Variants in METAP1D observed in about 807,000 individuals in gnomAD.
METAP1D encodes methionyl aminopeptidase type 1D, mitochondrial, also known as methionine aminopeptidase 1D, mitochondrial.
A neutral mutation model predicts 40.5 loss-of-function variants in METAP1D; 31 were observed. That is an observed-to-expected ratio of 0.77 (90% CI 0.58 to 1.03). The LOEUF (loss-of-function observed/expected upper bound fraction) is 1.03, where lower values mean the gene tolerates loss of function less well. Among genes scored for constraint, METAP1D ranks in the 50% least tolerant of loss-of-function variants. The probability of loss-of-function intolerance (pLI) is 0.00; values close to 1 mark genes in which losing one functional copy is unlikely to be tolerated. For missense variants in METAP1D, 411 were observed against 420.7 expected, an observed-to-expected ratio of 0.98 and a Z score of 0.20; for synonymous variants, 151 against 146.4, an observed-to-expected ratio of 1.03 and a Z score of -0.22.
intron 3 of METAP1D, among the ~76,000 whole-genome samples, chr2:172,064,975 GGAGC>G (rs1690216621): frequency 6.6e-6 from 1 of 151,520 alleles, no homozygotes; most frequent in Non-Finnish European, 1.5e-5. Flanking sequence ...TTTTAGTTTG[GGAGC>G]AATTTAGTTT....
chr2:172,068,630 C>T (rs1162189385), intron 5 of METAP1D, among the ~76,000 whole-genome samples: 1 of 151,716 alleles, frequency 6.6e-6, no homozygotes, highest in East Asian at 2.0e-4. Flanking sequence ...TCTCCTGCCT[C>T]AGCCTCCCCA....
At chr2:172,047,683 C>G (rs1276970804) in intron 1 of METAP1D, among the ~76,000 whole-genome samples, 1 of 152,240 alleles carries the variant, frequency 6.6e-6, no homozygotes, top group Non-Finnish European at 1.5e-5. Flanking sequence ...GATCCGCACA[C>G]CTCGGCCTCC....
intron 1 of METAP1D, among the ~76,000 whole-genome samples, chr2:172,048,652 T>TTGAC (rs1689812352): frequency 6.6e-6 from 1 of 152,198 alleles, no homozygotes. Context: ...TACCCCCAAA[T>TTGAC]TGACTATACC....
At position 172,080,209 on chromosome 2, in the gene METAP1D, G is replaced by A; in HGVS notation, c.929+3G>A. 2 of 1,614,168 alleles carry A rather than the reference G, an allele frequency of 1.2e-6. No homozygotes were observed. Among genetic ancestry groups the A allele is most frequent in the Non-Finnish European group, 1.7e-6 (2 of 1,179,970 alleles). ...GTGGTCTCCCTAGACAATCAAAGGT[G>A]TTTGCTTTCTGCTCTGTTGCTTTTA... On this transcript the variant is annotated splice_donor_region_variant and intron_variant, in intron 9 of 9. Transcript: ENST00000315796.
At chr2:172,052,121 G>T (rs1363183392) in intron 1 of METAP1D, among the ~76,000 whole-genome samples, 1 of 152,170 alleles carries the variant, frequency 6.6e-6, no homozygotes, top group Non-Finnish European at 1.5e-5. Context: ...CAGCATTAAA[G>T]AAAATGAGCT....
At chr2:172,027,802 A>G (rs542039707) in intron 1 of METAP1D, among the ~76,000 whole-genome samples, 1 of 152,222 alleles carries the variant, frequency 6.6e-6, no homozygotes, top group Admixed American at 6.5e-5. Flanking sequence ...TTTACTCTCT[A>G]CCTTCTGTTG....
At chr2:172,036,805 T>C (rs1031280945) in intron 1 of METAP1D, among the ~76,000 whole-genome samples, 1 of 152,250 alleles carries the variant, frequency 6.6e-6, no homozygotes, top group African/African-American at 2.4e-5. Context: ...GTTGTACCAG[T>C]TGACTCTCCA....
intron 1 of METAP1D, among the ~76,000 whole-genome samples, chr2:172,007,326 T>A (rs1688611506): frequency 6.6e-6 from 1 of 151,874 alleles, no homozygotes; most frequent in South Asian, 2.1e-4. Context: ...CACACCACCA[T>A]GTCTGGCTAA....
At chr2:172,024,088 T>C (rs1689065806) in intron 1 of METAP1D, among the ~76,000 whole-genome samples, 1 of 152,150 alleles carries the variant, frequency 6.6e-6, no homozygotes, top group African/African-American at 2.4e-5. Flanking sequence ...CTCGATCTCC[T>C]GACCTCGTGA....
intron 1 of METAP1D, among the ~76,000 whole-genome samples, chr2:172,041,075 C>T (rs1383789016): frequency 6.6e-6 from 1 of 151,998 alleles, no homozygotes; most frequent in African/African-American, 2.4e-5. Context: ...CCATTCAGGC[C>T]CTCTTGTACC....
rs1689579494 is a variant in METAP1D, at chr2:172,042,421, G to GTACATATATACATATA, written c.41-19062_41-19061insATACATATATACATAT. Reference sequence around the variant, plus strand: ...TATATACATATGTATGTGTACATGTGTACATATATACATATGTATGTGTAC... The same window carrying GTACATATATACATATA: ...TATATACATATGTATGTGTACATGTGTACATATATACATATATACATATATACATATGTATGTGTAC... On this transcript the variant is annotated intron_variant, in intron 1 of 9. Transcript: ENST00000315796. Among the ~76,000 whole-genome samples the GTACATATATACATATA allele has an allele frequency of 3.0e-4, 14 of 46,678 alleles. 4 individuals are homozygous for GTACATATATACATATA. In the South Asian group the frequency reaches 3.3e-3, roughly 11 times the overall value. 30.6% of individuals were successfully genotyped at this position (46,678 alleles called of 152,430 possible). A position where few individuals can be genotyped will look rare whatever the true frequency, so the allele number is the denominator to read the frequency against.
Position 172,028,418 on chromosome 2 carries a change from G to A in METAP1D, c.40+28409G>A, listed in dbSNP as rs1171241625. On this transcript the variant is annotated intron_variant, in intron 1 of 9. Transcript: ENST00000315796. ...CATTGCAGGCCCTCAAGGCCATAAT[G>A]GGAAGTTGAAACTATGTTCAAAAAG... Among the ~76,000 whole-genome samples, 3 of 152,180 alleles carry A rather than the reference G, an allele frequency of 2.0e-5. No homozygotes were observed. In the East Asian group the frequency reaches 5.8e-4, roughly 29 times the overall value.
chr2:172,017,420 T>C (rs184297942), intron 1 of METAP1D, among the ~76,000 whole-genome samples: 3 of 151,244 alleles, frequency 2.0e-5, no homozygotes, highest in Admixed American at 2.0e-4. Flanking sequence ...TGTGTATATA[T>C]CTAAAACCTT....
chr2:172,027,186 C>T, intron 1 of METAP1D, among the ~76,000 whole-genome samples: 1 of 152,330 alleles, frequency 6.6e-6, no homozygotes, highest in Non-Finnish European at 1.5e-5. Context: ...ACACACAAAA[C>T]CATATGCCTC....
chr2:172,033,775 A>G, intron 1 of METAP1D, among the ~76,000 whole-genome samples: 1 of 151,916 alleles, frequency 6.6e-6, no homozygotes, highest in East Asian at 1.9e-4. Context: ...ATATTATTAA[A>G]CCATTAAAAA....
intron 1 of METAP1D, among the ~76,000 whole-genome samples, chr2:172,058,990 G>A (rs1021821647): frequency 2.6e-5 from 4 of 152,062 alleles, no homozygotes; most frequent in East Asian, 1.9e-4. Flanking sequence ...CTTCGTGTGC[G>A]TCAGGATTAC....
intron 1 of METAP1D, among the ~76,000 whole-genome samples, chr2:172,003,772 CT>C (rs764720002): frequency 0.024 from 3,531 of 149,206 alleles, 58 homozygotes; most frequent in Middle Eastern, 0.042. Context: ...TATTTTCTTT[CT>C]TTTTTTTTTG....
chr2:172,066,173 G>T (rs1670522313), intron 4 of METAP1D, 91 bp from the exon 5 acceptor site: 1 of 979,782 alleles, frequency 1.0e-6, no homozygotes, highest in African/African-American at 1.6e-5. Flanking sequence ...GCATCCCATT[G>T]GGTTTGTGAC....
rs538678843 is a variant in METAP1D, at chr2:172,077,518, G to A, written c.705-279G>A. 3.9e-5 allele frequency among the ~76,000 whole-genome samples: 6 copies of A among 152,310 alleles called. No homozygotes were observed. The South Asian group carries it at 1.2e-3, about 32-fold the overall frequency. ...ATACACACTCACTTGTTGTCTAAAAGTGGCTTTGTTTGAATGCTGTACAAA... is the reference window on the plus strand; with the variant it reads ...ATACACACTCACTTGTTGTCTAAAAATGGCTTTGTTTGAATGCTGTACAAA... On this transcript the variant is annotated intron_variant, in intron 6 of 9. Transcript: ENST00000315796.
Sources: allele counts gnomAD v4.1 joint callset (sites outside exome capture counted in the v4.1 genomes callset), GRCh38; gene constraint gnomAD v4.1.1; transcripts MANE v1.5; gene names NCBI Gene and HGNC (gene_info 2026-07-23, HGNC 2026-07-21).